The following ACTR3 variants were observed in gnomAD, a reference collection of about 807,000 sequenced individuals.
ACTR3 encodes actin related protein 3, also known as actin-related protein 3.
Under a neutral mutation model 56.8 loss-of-function variants are expected in ACTR3, and 12 were observed. That is an observed-to-expected ratio of 0.21 (90% CI 0.14 to 0.34). ACTR3 has a LOEUF of 0.34. Ranked by LOEUF, ACTR3 falls within the 10% of genes least tolerant of loss-of-function variation. ACTR3 has a pLI of 1.00. For missense variants in ACTR3, 282 were observed against 512.5 expected, an observed-to-expected ratio of 0.55 and a Z score of 4.34; for synonymous variants, 162 against 167.4, an observed-to-expected ratio of 0.97 and a Z score of 0.25.
At chr2:113,911,294 G>A (rs1048831582) in intron 1 of ACTR3, among the ~76,000 whole-genome samples, 1 of 143,116 alleles carries the variant, frequency 7.0e-6, no homozygotes, top group Non-Finnish European at 1.5e-5. Context: ...TTTGTTTTTC[G>A]TTTTTTTTTT....
chr2:113,892,167 G>A (rs943911600), intron 1 of ACTR3, among the ~76,000 whole-genome samples: 1 of 152,132 alleles, frequency 6.6e-6, no homozygotes, highest in African/African-American at 2.4e-5. Context: ...TTTCGAATTA[G>A]TATACAAGAT....
In ACTR3 at chr2:113,957,347, T is replaced by C. The variant is rs762678364; in HGVS notation, c.1162-13T>C. On this transcript the variant is annotated splice_polypyrimidine_tract_variant and intron_variant, in intron 11 of 11. Transcript: ENST00000263238. ...TTTTGACCCTTATAAAAATACATAT[T>C]TTTTGTTTTCAGCCTGAGTTCTACC... is the stretch of plus-strand genomic sequence containing the variant. The C allele has an allele frequency of 6.2e-7, 1 of 1,602,148 alleles. No individual in the cohort carries two copies. Among genetic ancestry groups the C allele is most frequent in the African/African-American group, 1.3e-5 (1 of 74,744 alleles).
chr2:113,937,355 C>A (rs2104615283), intron 6 of ACTR3, among the ~76,000 whole-genome samples: 1 of 152,330 alleles, frequency 6.6e-6, no homozygotes, highest in East Asian at 1.9e-4. Context: ...ATCCACCTGC[C>A]TTGGCCTCCC....
chr2:113,938,823 G>A (rs1353838917), intron 6 of ACTR3, among the ~76,000 whole-genome samples: 1 of 152,096 alleles, frequency 6.6e-6, no homozygotes, highest in African/African-American at 2.4e-5. Context: ...ACAAACTTCA[G>A]CCACTTTGGC....
At chr2:113,956,291 A>G (rs1308932122) in intron 11 of ACTR3, among the ~76,000 whole-genome samples, 6 of 151,978 alleles carry the variant, frequency 3.9e-5, no homozygotes, top group Non-Finnish European at 7.4e-5. Flanking sequence ...TGTATCTCAA[A>G]ATAATAGGAA....
intron 7 of ACTR3, among the ~76,000 whole-genome samples, chr2:113,941,329 C>G (rs1279213291): frequency 2.0e-5 from 3 of 152,166 alleles, no homozygotes; most frequent in African/African-American, 4.8e-5. Flanking sequence ...AGATTTAAAT[C>G]TATTCCAGAG....
chr2:113,915,550 CT>C (rs1443266348), intron 2 of ACTR3, among the ~76,000 whole-genome samples: 2 of 152,138 alleles, frequency 1.3e-5, no homozygotes, highest in Non-Finnish European at 2.9e-5. Context: ...ATGCTGATGA[CT>C]TTTAATCTTT....
At chr2:113,899,377 A>G (rs1679060614) in intron 1 of ACTR3, among the ~76,000 whole-genome samples, 4 of 143,006 alleles carry the variant, frequency 2.8e-5, no homozygotes, top group Admixed American at 2.7e-4. Flanking sequence ...CACATATGAA[A>G]GTAAAAAAAT....
intron 8 of ACTR3, among the ~76,000 whole-genome samples, chr2:113,946,937 T>A (rs1312462304): frequency 6.6e-6 from 1 of 152,248 alleles, no homozygotes; most frequent in Admixed American, 6.5e-5. Flanking sequence ...CAAACAGGAT[T>A]GAAATATTGT....
In ACTR3 at chr2:113,890,199, C is replaced by A; in HGVS notation, c.-81C>A. On this transcript the variant is annotated 5_prime_UTR_variant, in exon 1 of 12. Coordinates refer to ENST00000263238, the MANE Select transcript of ACTR3 (RefSeq NM_005721.5). Reference sequence around the variant, plus strand: ...GGCCCAGCTGTGGATGGTCAGATAGCCCTTGTCTCCCGCCGCCAATCTCTG... The same window carrying A: ...GGCCCAGCTGTGGATGGTCAGATAGACCTTGTCTCCCGCCGCCAATCTCTG... 6.5e-7 allele frequency: 1 copy of A among 1,535,122 alleles called. No homozygotes were observed. Among genetic ancestry groups the A allele is most frequent in the Non-Finnish European group, 8.8e-7 (1 of 1,132,182 alleles).
chr2:113,922,587 G>T (rs1282146579), intron 3 of ACTR3, among the ~76,000 whole-genome samples: 1 of 151,958 alleles, frequency 6.6e-6, no homozygotes, highest in Admixed American at 6.6e-5. Context: ...AAGAGTAAAG[G>T]CTTGCCAGGC....
At chr2:113,952,662 A>G (rs560913535) in intron 10 of ACTR3, 7 of 152,252 alleles carry the variant, frequency 4.6e-5, no homozygotes, top group African/African-American at 9.6e-5. Context: ...GTCAGTGCCT[A>G]TATTTTGATT....
At position 113,890,249 on chromosome 2, in the gene ACTR3, G is replaced by T; in HGVS notation, c.-31G>T. On this transcript the variant is annotated 5_prime_UTR_variant, in exon 1 of 12. Coordinates refer to ENST00000263238, the MANE Select transcript of ACTR3 (RefSeq NM_005721.5). ...GGCCCCTAGCAGCACGGAGCAGACGGCGGCAGCAGCAGCAGCAGGCGAGGA... is the reference window on the plus strand; with the variant it reads ...GGCCCCTAGCAGCACGGAGCAGACGTCGGCAGCAGCAGCAGCAGGCGAGGA... 1 of 1,551,278 alleles carries T rather than the reference G, an allele frequency of 6.4e-7. No individual in the cohort carries two copies. The highest frequency in any genetic ancestry group is 8.7e-7 in the Non-Finnish European group (1 of 1,146,822).
At chr2:113,907,510 C>T (rs1366870767) in intron 1 of ACTR3, among the ~76,000 whole-genome samples, 4 of 152,142 alleles carry the variant, frequency 2.6e-5, no homozygotes, top group Non-Finnish European at 4.4e-5. Context: ...GCTTTGGCCT[C>T]CCAAAGTGCT....
chr2:113,927,477 C>A (rs761328442), intron 4 of ACTR3, 22 bp downstream of exon 4: 19 of 1,509,632 alleles, frequency 1.3e-5, no homozygotes, highest in Admixed American at 2.0e-5. Context: ...GTTATAATTT[C>A]ACTGAGGAAA....
At chr2:113,923,511 A>G (rs1010779961) in intron 3 of ACTR3, among the ~76,000 whole-genome samples, 1 of 151,706 alleles carries the variant, frequency 6.6e-6, no homozygotes, top group East Asian at 1.9e-4. Flanking sequence ...AATTTTTTAT[A>G]TTTTTAGTAG....
intron 5 of ACTR3, chr2:113,933,756 T>C (rs995111013): frequency 1.3e-5 from 2 of 151,652 alleles, no homozygotes; most frequent in African/African-American, 4.9e-5. Flanking sequence ...CTCGGCTCAT[T>C]GCAAGCTCCG....
In ACTR3 at chr2:113,960,660, CTT is replaced by C. The variant is rs1680309329; in HGVS notation, c.*3208_*3209del. The C allele has an allele frequency of 6.6e-6, 1 of 151,976 alleles. No homozygotes were observed. The highest frequency in any genetic ancestry group is 6.6e-5 in the Admixed American group (1 of 15,236). 9.4% of individuals were successfully genotyped at this position (151,976 alleles called of 1,614,324 possible). ...TAATCTGTCAATACTGAAGTCCAGT[CTT>C]TTCCCCCTTTTCTTACCAGCTCAAC... On this transcript the variant is annotated 3_prime_UTR_variant, in exon 12 of 12. Transcript: ENST00000263238.
intron 3 of ACTR3, among the ~76,000 whole-genome samples, chr2:113,923,713 G>T (rs1447889497): frequency 6.6e-6 from 1 of 150,540 alleles, no homozygotes; most frequent in Non-Finnish European, 1.5e-5. Flanking sequence ...GGTTTCTCTA[G>T]GCACTGCTTT....
Sources: allele counts gnomAD v4.1 joint callset (sites outside exome capture counted in the v4.1 genomes callset), GRCh38; gene constraint gnomAD v4.1.1; transcripts MANE v1.5; gene names NCBI Gene and HGNC (gene_info 2026-07-23, HGNC 2026-07-21).